The following MAP3K20 variants were observed in gnomAD, a reference collection of about 807,000 sequenced individuals.
MAP3K20 encodes HCCS-4.
MAP3K20 carries 40 observed loss-of-function variants against 85.7 expected under a neutral mutation model. The observed-to-expected ratio is 0.47, with a 90% CI of 0.36 to 0.61. The LOEUF is 0.61. MAP3K20 is among the 20% of genes least tolerant of loss of function. The probability of loss-of-function intolerance (pLI) is 0.00; values close to 1 mark genes in which losing one functional copy is unlikely to be tolerated. For synonymous variants in MAP3K20, 325 were observed against 327.7 expected (o/e 0.99, Z 0.09); for missense variants, 817 against 961.7 (o/e 0.85, Z 1.99).
intron 11 of MAP3K20, chr2:173,224,698 T>G: frequency 4.1e-6 from 4 of 985,486 alleles, no homozygotes; most frequent in Non-Finnish European, 4.8e-6. Context: ...TCTATTACTT[T>G]CTGTTCCCAA....
intron 11 of MAP3K20, among the ~76,000 whole-genome samples, chr2:173,220,067 C>CAAAAAAAAAAAAAG (rs71018543): frequency 8.8e-6 from 1 of 114,236 alleles, no homozygotes; most frequent in African/African-American, 3.6e-5. Flanking sequence ...GACTCTGTCT[C>CAAAAAAAAAAAAAG]AAAAAAAAAA....
chr2:173,134,426 A>ATTTTTTTTTT (rs1457014949), intron 2 of MAP3K20, among the ~76,000 whole-genome samples: 7 of 4,672 alleles, frequency 1.5e-3, no homozygotes, highest in African/African-American at 1.9e-3. Context: ...ATATATATAT[A>ATTTTTTTTTT]TATTTTTTTT....
chr2:173,241,219 T>A (rs1419916102), intron 16 of MAP3K20, among the ~76,000 whole-genome samples: 2 of 152,106 alleles, frequency 1.3e-5, no homozygotes, highest in Non-Finnish European at 2.9e-5. Flanking sequence ...TTTTAAATAA[T>A]TAAAAGAGTG....
At chr2:173,217,741 G>T in intron 11 of MAP3K20, among the ~76,000 whole-genome samples, 1 of 152,180 alleles carries the variant, frequency 6.6e-6, no homozygotes, top group Middle Eastern at 3.4e-3. Context: ...TTAATATTTC[G>T]TACTCAATTT....
chr2:173,233,844 G>T (rs542243803), intron 14 of MAP3K20, among the ~76,000 whole-genome samples: 1 of 152,258 alleles, frequency 6.6e-6, no homozygotes, highest in South Asian at 2.1e-4. Context: ...CACCCTTTGC[G>T]TAACAGTAAC....
intron 11 of MAP3K20, chr2:173,226,485 G>A (rs1326371759): frequency 1.4e-5 from 14 of 985,474 alleles, no homozygotes; most frequent in Non-Finnish European, 1.7e-5. Context: ...GTTAAGCATC[G>A]CCAGACATAA....
chr2:173,222,312 G>A, intron 11 of MAP3K20: 2 of 985,874 alleles, frequency 2.0e-6, no homozygotes, highest in Non-Finnish European at 2.4e-6. Context: ...TAAGTGCTGA[G>A]AATTTTTAGT....
intron 2 of MAP3K20, among the ~76,000 whole-genome samples, chr2:173,120,296 C>T (rs572470836): frequency 2.8e-4 from 43 of 152,162 alleles, no homozygotes; most frequent in African/African-American, 8.9e-4. Context: ...TCTGAGTCCT[C>T]AGCAGTCCTG....
intron 2 of MAP3K20, among the ~76,000 whole-genome samples, chr2:173,165,518 A>G (rs763241860): frequency 1.6e-4 from 24 of 152,368 alleles, no homozygotes; most frequent in Middle Eastern, 3.4e-3. Flanking sequence ...CTTAGACCGT[A>G]GTTTGTATAA....
intron 2 of MAP3K20, among the ~76,000 whole-genome samples, chr2:173,130,083 C>T (rs1469647626): frequency 6.6e-5 from 10 of 152,100 alleles, no homozygotes; most frequent in Admixed American, 6.6e-5. Flanking sequence ...CTTTTGACCT[C>T]GGCATTTCAC....
At chr2:173,189,866 A>G (rs1285415516) in intron 5 of MAP3K20, among the ~76,000 whole-genome samples, 2 of 152,086 alleles carry the variant, frequency 1.3e-5, no homozygotes, top group Non-Finnish European at 2.9e-5. Context: ...GACTCGGTCA[A>G]CTTTTCTCCT....
At chr2:173,245,013 A>G (rs1370530991) in intron 16 of MAP3K20, among the ~76,000 whole-genome samples, 1 of 152,166 alleles carries the variant, frequency 6.6e-6, no homozygotes. Flanking sequence ...CTTTTCTTTT[A>G]CAAGTAAAAT....
At chr2:173,180,002 G>T (rs1047491276) in intron 3 of MAP3K20, among the ~76,000 whole-genome samples, 1 of 152,142 alleles carries the variant, frequency 6.6e-6, no homozygotes, top group African/African-American at 2.4e-5. Flanking sequence ...CATATTTATG[G>T]TTTAGAAGAT....
rs573986267 is a variant in MAP3K20 at position 173,182,682 on chromosome 2, T to C, written c.248-172T>C. On this transcript the variant is annotated intron_variant, in intron 3 of 19. Coordinates refer to ENST00000375213, the MANE Select transcript of MAP3K20 (RefSeq NM_016653.3). ...AAGTTACTGTCTTTTGTTTGACAGA[T>C]ATTTTTCTGGATGACATTAACTTTT... Among the ~76,000 whole-genome samples the C allele has an allele frequency of 3.3e-5, 5 of 152,354 alleles. No homozygotes were observed. The East Asian group carries it at 9.6e-4, about 29-fold the overall frequency.
intron 2 of MAP3K20, among the ~76,000 whole-genome samples, chr2:173,091,457 C>T (rs1687298151): frequency 6.6e-6 from 1 of 152,146 alleles, no homozygotes; most frequent in South Asian, 2.1e-4. Flanking sequence ...CTGAGCTCTC[C>T]TGGAGGCAGA....
In MAP3K20 at chr2:173,219,845, G is replaced by A. The variant is rs566309178; in HGVS notation, c.987+2595G>A. ...GCACTTTGGGAGGCTGAGGGGGGTG[G>A]ATCACGAGGTCAGGCGTTCAAGACC... On this transcript the variant is annotated intron_variant, in intron 11 of 19. Coordinates refer to ENST00000375213, the MANE Select transcript of MAP3K20 (RefSeq NM_016653.3). Among the ~76,000 whole-genome samples the A allele has an allele frequency of 4.5e-4, 69 of 152,152 alleles. 3 individuals carry two copies. The South Asian group carries it at 0.011, about 25-fold the overall frequency.
chr2:173,105,073 G>T (rs930515378), intron 2 of MAP3K20, among the ~76,000 whole-genome samples: 1 of 152,196 alleles, frequency 6.6e-6, no homozygotes, highest in African/African-American at 2.4e-5. Context: ...GACCTAAATT[G>T]GAAGGAAATG....
chr2:173,081,189 ATTTTT>A (rs55900314), intron 1 of MAP3K20, among the ~76,000 whole-genome samples: 2 of 140,856 alleles, frequency 1.4e-5, no homozygotes, highest in African/African-American at 5.2e-5. Context: ...AAAAAGACAA[ATTTTT>A]TTTTTTTTTT....
At chr2:173,240,982 G>A (rs1184961960) in intron 16 of MAP3K20, among the ~76,000 whole-genome samples, 1 of 152,132 alleles carries the variant, frequency 6.6e-6, no homozygotes, top group African/African-American at 2.4e-5. Flanking sequence ...GGAACCGGAG[G>A]ATATTATGTT....
Sources: allele counts gnomAD v4.1 joint callset (sites outside exome capture counted in the v4.1 genomes callset), GRCh38; gene constraint gnomAD v4.1.1; transcripts MANE v1.5; gene names NCBI Gene and HGNC (gene_info 2026-07-23, HGNC 2026-07-21).